The following MAP3K3 variants were observed in gnomAD, a reference collection of about 807,000 sequenced individuals.
MAP3K3 encodes the protein mitogen-activated protein kinase kinase kinase 3, also known as MAP/ERK kinase kinase 3.
In MAP3K3, 12 loss-of-function variants were observed where a neutral mutation model predicts 80.9. The observed-to-expected ratio is 0.15, with a 90% CI of 0.10 to 0.24. The LOEUF (loss-of-function observed/expected upper bound fraction) is 0.24. Among genes scored for constraint, MAP3K3 ranks in the 10% least tolerant of loss-of-function variants. The pLI, the probability that MAP3K3 is intolerant of heterozygous loss-of-function variation, is 1.00. For synonymous variants in MAP3K3, 272 were observed against 307.1 expected (o/e 0.89, Z 1.19); for missense variants, 596 against 834.7 (o/e 0.71, Z 3.52).
Position 63,691,344 on chromosome 17 carries a change from C to T in MAP3K3, c.1344+111C>T. 7.0e-7 allele frequency: 1 copy of T among 1,431,856 alleles called. No homozygotes were observed. The highest frequency in any genetic ancestry group is 1.2e-5 in the South Asian group (1 of 82,202). 88.7% of individuals were successfully genotyped at this position (1,431,856 alleles called of 1,614,324 possible). ...GATAGGAGTTTGAACACCTGAGGCT[C>T]CAGAGGCCCAGAGGAGCAAAGTGAG... On this transcript the variant is annotated intron_variant, in intron 13 of 15. Coordinates refer to ENST00000361733, the MANE Select transcript of MAP3K3 (RefSeq NM_002401.5). This position sits in a 1 kb window ranked among gnomAD's most constrained non-coding sequence, Gnocchi z 4.8.
At chr17:63,624,925 C>T (rs1056473202) in intron 1 of MAP3K3, among the ~76,000 whole-genome samples, 4 of 152,180 alleles carry the variant, frequency 2.6e-5, no homozygotes, top group African/African-American at 9.7e-5. Flanking sequence ...CACACAGTCT[C>T]TCTCTTAAAT....
chr17:63,667,317 G>GAC (rs1208469952), intron 6 of MAP3K3, among the ~76,000 whole-genome samples: 134 of 152,282 alleles, frequency 8.8e-4, no homozygotes, highest in South Asian at 1.2e-3. Flanking sequence ...CTGAAAAAGT[G>GAC]ATTGCCTCAG....
intron 1 of MAP3K3, among the ~76,000 whole-genome samples, chr17:63,630,464 C>G (rs2034193118): frequency 6.6e-6 from 1 of 152,078 alleles, no homozygotes; most frequent in South Asian, 2.1e-4. Context: ...AGTAGCTGAG[C>G]CTACAGCGTG....
intron 5 of MAP3K3, among the ~76,000 whole-genome samples, chr17:63,661,510 C>T (rs941195044): frequency 2.6e-5 from 4 of 152,172 alleles, no homozygotes; most frequent in Non-Finnish European, 5.9e-5. Flanking sequence ...AGCTCTTGAC[C>T]TTCTTAGGAC....
rs182954934 is a variant in MAP3K3 at position 63,665,204 on chromosome 17, C to T, written c.382-1736C>T. ...CTGTAATCCCAGCTACTCGGGAGGCCGACCAGGCTGGAGTACAGTGGTGCG... is the reference window on the plus strand; with the variant it reads ...CTGTAATCCCAGCTACTCGGGAGGCTGACCAGGCTGGAGTACAGTGGTGCG... On this transcript the variant is annotated intron_variant, in intron 5 of 15. Coordinates refer to ENST00000361733, the MANE Select transcript of MAP3K3 (RefSeq NM_002401.5). 5.4e-3 allele frequency among the ~76,000 whole-genome samples: 825 copies of T among 152,124 alleles called. 5 individuals carry two copies. The highest frequency in any genetic ancestry group is 0.018 in the African/African-American group (753 of 41,534).
chr17:63,646,890 T>G (rs547385171), intron 3 of MAP3K3, among the ~76,000 whole-genome samples: 1 of 152,256 alleles, frequency 6.6e-6, no homozygotes, highest in Non-Finnish European at 1.5e-5. Context: ...CCTTTCGGTG[T>G]TTTTTCCACT....
intron 6 of MAP3K3, among the ~76,000 whole-genome samples, chr17:63,669,380 C>A (rs907185629): frequency 1.3e-5 from 2 of 152,120 alleles, no homozygotes. Flanking sequence ...AAGGGACTCT[C>A]AGCTGCACTC....
intron 5 of MAP3K3, 64 bp from the exon 6 acceptor site, chr17:63,666,876 A>G: frequency 6.3e-7 from 1 of 1,591,434 alleles, no homozygotes; most frequent in South Asian, 1.1e-5. Flanking sequence ...GAAAAGGGTG[A>G]GAAGACCTTG....
Position 63,693,161 on chromosome 17 carries a change from G to C in MAP3K3, c.1653-388G>C, listed in dbSNP as rs2035628246. Among the ~76,000 whole-genome samples, 1 of 152,182 alleles carries C rather than the reference G, an allele frequency of 6.6e-6. No homozygotes were observed. Among genetic ancestry groups the C allele is most frequent in the African/African-American group, 2.4e-5 (1 of 41,438 alleles). On this transcript the variant is annotated intron_variant, in intron 15 of 15. Coordinates refer to ENST00000361733, the MANE Select transcript of MAP3K3 (RefSeq NM_002401.5). This position sits in a 1 kb window ranked among gnomAD's most constrained non-coding sequence, Gnocchi z 4.2. Reference sequence around the variant, plus strand: ...AGAGCCTCTGACAGGAACCAGCCCTGCCGCCACCTTGACTTTAGCCCTGTG... The same window carrying C: ...AGAGCCTCTGACAGGAACCAGCCCTCCCGCCACCTTGACTTTAGCCCTGTG...
intron 6 of MAP3K3, among the ~76,000 whole-genome samples, chr17:63,681,341 A>G (rs1214145265): frequency 1.3e-5 from 2 of 152,116 alleles, no homozygotes; most frequent in Non-Finnish European, 2.9e-5. Flanking sequence ...CCCTCAAAAT[A>G]CTGCTTGGAC....
chr17:63,688,258 G>T (rs1598121138), intron 8 of MAP3K3: 1 of 528,394 alleles, frequency 1.9e-6, no homozygotes, highest in Non-Finnish European at 3.4e-6. Context: ...GGGAAGAAAG[G>T]CCAAGGAGGG....
intron 2 of MAP3K3, chr17:63,636,648 G>A (rs1035940894): frequency 3.0e-5 from 7 of 237,188 alleles, no homozygotes; most frequent in African/African-American, 1.6e-4. Flanking sequence ...ACACAGCCAC[G>A]CAGATCCAGC....
chr17:63,630,814 T>A (rs1183553664), intron 1 of MAP3K3, among the ~76,000 whole-genome samples: 1 of 152,222 alleles, frequency 6.6e-6, no homozygotes, highest in Non-Finnish European at 1.5e-5. Context: ...TGTATATGTT[T>A]TGAAGTGGAA....
intron 7 of MAP3K3, among the ~76,000 whole-genome samples, chr17:63,683,601 G>A (rs2035385578): frequency 6.6e-6 from 1 of 152,180 alleles, no homozygotes; most frequent in African/African-American, 2.4e-5. Flanking sequence ...GGATTGCCAA[G>A]GTCCTCCCCC....
At chr17:63,654,261 T>C (rs933743925) in intron 4 of MAP3K3, among the ~76,000 whole-genome samples, 4 of 136,414 alleles carry the variant, frequency 2.9e-5, no homozygotes, top group Admixed American at 1.4e-4. Context: ...TAAGCACTTA[T>C]CTTTCTGTCT....
intron 4 of MAP3K3, among the ~76,000 whole-genome samples, chr17:63,655,605 C>T (rs1473012285): frequency 6.6e-6 from 1 of 152,134 alleles, no homozygotes; most frequent in Non-Finnish European, 1.5e-5. Flanking sequence ...ATCCCCCCAC[C>T]TCAGTTTCCC....
rs2034010767 is a variant in MAP3K3, at chr17:63,622,676, C to T, written c.-84C>T. On this transcript the variant is annotated 5_prime_UTR_variant, in exon 1 of 16. Transcript: ENST00000361733. ...GCGCGGAGCCAGGCCCGCTGCCGTCCCCGCCGCCCGGGCCCCCGGCATGCA... is the reference window on the plus strand; with the variant it reads ...GCGCGGAGCCAGGCCCGCTGCCGTCTCCGCCGCCCGGGCCCCCGGCATGCA... 1 of 391,850 alleles carries T rather than the reference C, an allele frequency of 2.6e-6. No individual in the cohort carries two copies. Among genetic ancestry groups the T allele is most frequent in the Non-Finnish European group, 5.1e-6 (1 of 197,282 alleles). 24.3% of individuals were successfully genotyped at this position (391,850 alleles called of 1,614,324 possible). A position where few individuals can be genotyped will look rare whatever the true frequency, so the allele number is the denominator to read the frequency against.
intron 1 of MAP3K3, among the ~76,000 whole-genome samples, chr17:63,624,058 C>G (rs1272521700): frequency 6.6e-6 from 1 of 152,202 alleles, no homozygotes; most frequent in South Asian, 2.1e-4. Context: ...GCTGGGCTTA[C>G]TGTTTCCTTC....
chr17:63,668,686 G>A (rs1010893276), intron 6 of MAP3K3, among the ~76,000 whole-genome samples: 5 of 152,170 alleles, frequency 3.3e-5, no homozygotes, highest in Admixed American at 6.5e-5. Flanking sequence ...CCATGTTACC[G>A]GGAGCTATAT....
Sources: allele counts gnomAD v4.1 joint callset (sites outside exome capture counted in the v4.1 genomes callset), GRCh38; gene constraint gnomAD v4.1.1; non-coding constraint Gnocchi (gnomAD v3.1); transcripts MANE v1.5; gene names NCBI Gene and HGNC (gene_info 2026-07-23, HGNC 2026-07-21).